Variants in RBMS1 observed in about 807,000 individuals in gnomAD.
RBMS1 encodes RNA binding motif single stranded interacting protein 1, also known as RNA-binding motif, single-stranded-interacting protein 1.
Under a neutral mutation model 62.3 loss-of-function variants are expected in RBMS1, and 17 were observed. That is an observed-to-expected ratio of 0.27 (90% CI 0.19 to 0.41). The LOEUF (loss-of-function observed/expected upper bound fraction) is 0.41. Among genes scored for constraint, RBMS1 ranks in the 10% least tolerant of loss-of-function variants. RBMS1 has a pLI of 1.00. For missense variants in RBMS1, 334 were observed against 504.5 expected, an observed-to-expected ratio of 0.66 and a Z score of 3.24; for synonymous variants, 172 against 170.0, an observed-to-expected ratio of 1.01 and a Z score of -0.09.
At chr2:160,457,287 C>A (rs777424611) in intron 1 of RBMS1, among the ~76,000 whole-genome samples, 2 of 152,074 alleles carry the variant, frequency 1.3e-5, no homozygotes, top group African/African-American at 4.8e-5. Flanking sequence ...TGCACCACCA[C>A]GCCCAGCTAA....
chr2:160,426,216 CAG>C (rs1344894424), intron 1 of RBMS1, among the ~76,000 whole-genome samples: 2 of 65,330 alleles, frequency 3.1e-5, no homozygotes, highest in Admixed American at 1.8e-4. Flanking sequence ...GAGAGAGAGA[CAG>C]AAGAAAGAAA....
At chr2:160,450,162 T>A (rs1683903677) in intron 1 of RBMS1, among the ~76,000 whole-genome samples, 1 of 152,156 alleles carries the variant, frequency 6.6e-6, no homozygotes, top group African/African-American at 2.4e-5. Flanking sequence ...GAGGAAACAC[T>A]CTTTTTGTGG....
intron 5 of RBMS1, among the ~76,000 whole-genome samples, chr2:160,301,708 T>C (rs142832197): frequency 6.6e-6 from 1 of 152,338 alleles, no homozygotes; most frequent in African/African-American, 2.4e-5. Context: ...TAAAACTAAC[T>C]GGCCTGACAG....
intron 1 of RBMS1, among the ~76,000 whole-genome samples, chr2:160,463,340 C>T (rs1559583325): frequency 2.0e-5 from 3 of 152,280 alleles, no homozygotes; most frequent in Admixed American, 2.0e-4. Context: ...CATTTTATAA[C>T]ATGCCTCTCA....
chr2:160,439,920 C>A (rs1408589132), intron 1 of RBMS1, among the ~76,000 whole-genome samples: 1 of 151,558 alleles, frequency 6.6e-6, no homozygotes, highest in Non-Finnish European at 1.5e-5. Flanking sequence ...TCAGGCGTGG[C>A]GGCGCGCGCC....
intron 1 of RBMS1, among the ~76,000 whole-genome samples, chr2:160,411,894 A>G (rs1360997912): frequency 2.0e-5 from 3 of 152,244 alleles, no homozygotes; most frequent in Admixed American, 2.0e-4. Flanking sequence ...AAACTGTTAA[A>G]TGGCTGAATG....
Position 160,412,803 on chromosome 2 carries a change from A to G in RBMS1, c.76-45412T>C, listed in dbSNP as rs554294547. On this transcript the variant is annotated intron_variant, in intron 1 of 13. Transcript: ENST00000348849. ...TGCAGATGATCAGAAAAACAGAACT[A>G]CAGATAGAAGGCTAGCATGAGGGAC... Among the ~76,000 whole-genome samples, 9 of 152,374 alleles carry G rather than the reference A, an allele frequency of 5.9e-5. 1 individual carries two copies. In the South Asian group the frequency reaches 1.2e-3, roughly 21 times the overall value.
intron 1 of RBMS1, chr2:160,407,834 G>T (rs1695839844): frequency 3.1e-6 from 3 of 981,264 alleles, no homozygotes; most frequent in Middle Eastern, 5.2e-4. Flanking sequence ...CGGCGTCGCC[G>T]ACTCTCCCGG....
intron 1 of RBMS1, among the ~76,000 whole-genome samples, chr2:160,382,742 G>C (rs918758413): frequency 2.0e-5 from 3 of 152,026 alleles, no homozygotes; most frequent in Non-Finnish European, 2.9e-5. Context: ...GAGAGAGTTC[G>C]TTAGAGGACT....
chr2:160,438,808 G>A (rs1387321757), intron 1 of RBMS1, among the ~76,000 whole-genome samples: 2 of 152,276 alleles, frequency 1.3e-5, no homozygotes, highest in African/African-American at 2.4e-5. Flanking sequence ...GCCGGGCAGA[G>A]GGGCTCCTCA....
At chr2:160,306,112 G>T (rs1209304209) in intron 4 of RBMS1, among the ~76,000 whole-genome samples, 1 of 147,686 alleles carries the variant, frequency 6.8e-6, no homozygotes, top group East Asian at 2.0e-4. Flanking sequence ...CTGGGCAAGA[G>T]CAAGATTGTT....
chr2:160,447,276 G>T (rs969753069), intron 1 of RBMS1, among the ~76,000 whole-genome samples: 2 of 152,120 alleles, frequency 1.3e-5, no homozygotes, highest in Admixed American at 6.5e-5. Context: ...TTGTATAGGA[G>T]ATTTTATGCC....
intron 1 of RBMS1, among the ~76,000 whole-genome samples, chr2:160,390,568 C>T (rs574495905): frequency 5.3e-5 from 8 of 151,936 alleles, no homozygotes; most frequent in East Asian, 1.9e-4. Context: ...TGGTGGCACA[C>T]GCCTGTGGCC....
intron 1 of RBMS1, among the ~76,000 whole-genome samples, chr2:160,456,410 G>GT (rs1195141582): frequency 2.0e-5 from 3 of 152,216 alleles, no homozygotes; most frequent in South Asian, 2.1e-4. Context: ...TTCTAGGGAA[G>GT]TTTTTTTATT....
At chr2:160,465,166 C>T (rs1460906870) in intron 1 of RBMS1, among the ~76,000 whole-genome samples, 1 of 152,188 alleles carries the variant, frequency 6.6e-6, no homozygotes, top group Admixed American at 6.5e-5. Flanking sequence ...GCCAACCTGT[C>T]ACCATTAATG....
chr2:160,412,862 T>C (rs1382721404), intron 1 of RBMS1, among the ~76,000 whole-genome samples: 2 of 152,366 alleles, frequency 1.3e-5, no homozygotes, highest in Middle Eastern at 3.4e-3. Context: ...GCTGAAATCA[T>C]TGCTAATTGA....
intron 1 of RBMS1, among the ~76,000 whole-genome samples, chr2:160,397,432 G>C (rs931306251): frequency 2.0e-4 from 31 of 152,130 alleles, no homozygotes; most frequent in African/African-American, 7.5e-4. Context: ...GCCCTTTCCT[G>C]TAAGACTAAT....
intron 2 of RBMS1, among the ~76,000 whole-genome samples, chr2:160,360,028 A>G (rs987552736): frequency 6.6e-6 from 1 of 152,184 alleles, no homozygotes; most frequent in Non-Finnish European, 1.5e-5. Context: ...CAGAGGTTGC[A>G]GTGAGCTGAT....
chr2:160,311,479 T>A (rs1689913000), intron 4 of RBMS1, among the ~76,000 whole-genome samples: 1 of 152,014 alleles, frequency 6.6e-6, no homozygotes, highest in Non-Finnish European at 1.5e-5. Flanking sequence ...GGGAGGTAAC[T>A]TATCCGCTTA....
Sources: gnomAD v4.1 joint callset for allele counts (sites outside exome capture counted in the v4.1 genomes callset) on GRCh38, gnomAD v4.1.1 for gene constraint, MANE v1.5 for transcripts, NCBI Gene and HGNC (gene_info 2026-07-23, HGNC 2026-07-21) for gene names.